FAM110B: variants seen among roughly 807,000 people sequenced by gnomAD.
The protein encoded by FAM110B is protein FAM110B.
A neutral mutation model predicts 20.4 loss-of-function variants in FAM110B; 6 were observed. The observed-to-expected ratio is 0.29, with a 90% confidence interval of 0.16 to 0.58. FAM110B has a LOEUF of 0.58. FAM110B is among the 20% of genes least tolerant of loss of function. FAM110B has a pLI of 0.90. For missense variants in FAM110B, 434 were observed against 498.2 expected (o/e 0.87, Z 1.23); for synonymous variants, 226 against 214.1 (o/e 1.06, Z -0.49).
intron 2 of FAM110B, among the ~76,000 whole-genome samples, chr8:58,052,676 G>A (rs2150581473): frequency 6.6e-6 from 1 of 151,512 alleles, no homozygotes; most frequent in African/African-American, 2.4e-5. Flanking sequence ...GGTGGGATAG[G>A]GTAGCGATTT....
chr8:58,003,243 C>G (rs756336709), intron 1 of FAM110B, among the ~76,000 whole-genome samples: 15 of 152,186 alleles, frequency 9.9e-5, no homozygotes, highest in Non-Finnish European at 2.1e-4. Flanking sequence ...TCTTCAGGCT[C>G]CGCTTGTAAC....
intron 3 of FAM110B, among the ~76,000 whole-genome samples, chr8:58,090,455 C>T (rs1806447725): frequency 6.6e-6 from 1 of 152,230 alleles, no homozygotes; most frequent in Non-Finnish European, 1.5e-5. Flanking sequence ...GCCACCGCAC[C>T]AGCCTGGGAT....
intron 3 of FAM110B, among the ~76,000 whole-genome samples, chr8:58,093,412 G>A (rs1181317159): frequency 1.3e-5 from 2 of 152,112 alleles, no homozygotes. Flanking sequence ...AATCCATCTT[G>A]AGTTAATTTT....
At chr8:58,081,075 C>T (rs1255225196) in intron 3 of FAM110B, among the ~76,000 whole-genome samples, 3 of 152,208 alleles carry the variant, frequency 2.0e-5, no homozygotes, top group Non-Finnish European at 4.4e-5. Flanking sequence ...GCTGACTCCT[C>T]CTCGAGGGCT....
intron 1 of FAM110B, among the ~76,000 whole-genome samples, chr8:58,018,938 C>T (rs141064094): frequency 2.0e-5 from 3 of 152,138 alleles, no homozygotes; most frequent in Admixed American, 6.6e-5. Flanking sequence ...TTTTCCTTTA[C>T]GCTCCTCCTG....
chr8:58,058,441 G>T (rs1805591637), intron 2 of FAM110B, among the ~76,000 whole-genome samples: 1 of 151,948 alleles, frequency 6.6e-6, no homozygotes, highest in Non-Finnish European at 1.5e-5. Flanking sequence ...AGAAAAACTG[G>T]TAAGAAAAAA....
At chr8:58,108,291 G>T (rs1806970589) in intron 3 of FAM110B, among the ~76,000 whole-genome samples, 1 of 152,148 alleles carries the variant, frequency 6.6e-6, no homozygotes, top group Non-Finnish European at 1.5e-5. Flanking sequence ...ACAAATTCTG[G>T]TTGTTTTTAT....
At chr8:58,037,472 A>G (rs1805099967) in intron 2 of FAM110B, among the ~76,000 whole-genome samples, 2 of 128,054 alleles carry the variant, frequency 1.6e-5, no homozygotes. Flanking sequence ...CAGTCTCCAC[A>G]AAAAAAAAAA....
intron 3 of FAM110B, among the ~76,000 whole-genome samples, chr8:58,079,111 C>T (rs1179678353): frequency 6.6e-6 from 1 of 152,114 alleles, no homozygotes; most frequent in Non-Finnish European, 1.5e-5. Flanking sequence ...AGCTGTTTGC[C>T]AAGAGAATGA....
At chr8:58,068,865 T>TG (rs1301075429) in intron 2 of FAM110B, among the ~76,000 whole-genome samples, 1 of 152,124 alleles carries the variant, frequency 6.6e-6, no homozygotes, top group African/African-American at 2.4e-5. Context: ...AACATAAATT[T>TG]GTCATTTTAA....
At chr8:58,106,587 C>T (rs2150615631) in intron 3 of FAM110B, among the ~76,000 whole-genome samples, 1 of 152,208 alleles carries the variant, frequency 6.6e-6, no homozygotes, top group East Asian at 1.9e-4. Flanking sequence ...GGAAGGCAGA[C>T]TTATCAGCAT....
At chr8:58,070,662 G>A (rs1247503303) in intron 2 of FAM110B, among the ~76,000 whole-genome samples, 1 of 152,174 alleles carries the variant, frequency 6.6e-6, no homozygotes, top group East Asian at 1.9e-4. Flanking sequence ...AATGCCCAAT[G>A]TTGCATCAAT....
At chr8:58,015,851 A>G (rs1361352879) in intron 1 of FAM110B, among the ~76,000 whole-genome samples, 6 of 151,914 alleles carry the variant, frequency 3.9e-5, no homozygotes, top group East Asian at 1.9e-4. Context: ...TCTCAAAAAA[A>G]AAAAAAAAAG....
rs186001785 is a variant in FAM110B at position 58,069,441 on chromosome 8, G to T, written c.-413-6094G>T. Among the ~76,000 whole-genome samples, 7 of 152,318 alleles carry T rather than the reference G, an allele frequency of 4.6e-5. No individual in the cohort carries two copies. In the East Asian group the frequency reaches 1.3e-3, roughly 29 times the overall value. Reference sequence around the variant, plus strand: ...ATGGAGATCCAGAACTGTAACCCCGGCAGTCTGGCTGTGAGAACGCATGTT... The same window carrying T: ...ATGGAGATCCAGAACTGTAACCCCGTCAGTCTGGCTGTGAGAACGCATGTT... On this transcript the variant is annotated intron_variant, in intron 2 of 3. Coordinates refer to ENST00000519262, the MANE Select transcript of FAM110B (RefSeq NM_001377989.1).
intron 3 of FAM110B, among the ~76,000 whole-genome samples, chr8:58,076,933 G>C (rs1806050410): frequency 6.6e-6 from 1 of 152,228 alleles, no homozygotes; most frequent in African/African-American, 2.4e-5. Context: ...TATGCAGGAT[G>C]TTGTCGGGTG....
intron 1 of FAM110B, among the ~76,000 whole-genome samples, chr8:58,001,862 G>GAAA (rs1261676169): frequency 1.3e-5 from 2 of 151,950 alleles, no homozygotes; most frequent in Admixed American, 1.3e-4. Flanking sequence ...AATATACATA[G>GAAA]AAAAAAAGAG....
At chr8:58,036,446 G>T (rs1444957234) in intron 2 of FAM110B, among the ~76,000 whole-genome samples, 1 of 152,192 alleles carries the variant, frequency 6.6e-6, no homozygotes, top group East Asian at 1.9e-4. Flanking sequence ...CTTTCCAACA[G>T]TAGACATCAG....
intron 3 of FAM110B, among the ~76,000 whole-genome samples, chr8:58,111,251 G>T (rs1807051878): frequency 6.6e-6 from 1 of 152,136 alleles, no homozygotes; most frequent in African/African-American, 2.4e-5. Flanking sequence ...AAATAATTCT[G>T]AGCTCAGAAA....
At chr8:58,139,969 T>A (rs1230264451) in intron 3 of FAM110B, among the ~76,000 whole-genome samples, 1 of 151,964 alleles carries the variant, frequency 6.6e-6, no homozygotes, top group Non-Finnish European at 1.5e-5. Flanking sequence ...ATAAAATGGA[T>A]AAAGGAAGCA....
Sources: allele counts gnomAD v4.1 joint callset (sites outside exome capture counted in the v4.1 genomes callset), GRCh38; gene constraint gnomAD v4.1.1; transcripts MANE v1.5; gene names NCBI Gene and HGNC (gene_info 2026-07-23, HGNC 2026-07-21).